Variants in IGFL2 observed in about 807,000 individuals in gnomAD.
The protein encoded by IGFL2 is IGF like family member 2, also known as insulin growth factor-like family member 2.
Under a neutral mutation model 13.9 loss-of-function variants are expected in IGFL2, and 7 were observed. That is an observed-to-expected ratio of 0.51 (90% CI 0.29 to 0.95). The LOEUF (loss-of-function observed/expected upper bound fraction) is 0.95, where lower values mean the gene tolerates loss of function less well. IGFL2 is among the 40% of genes least tolerant of loss of function. IGFL2 has a pLI of 0.08. For missense variants in IGFL2, 138 were observed against 147.8 expected, an observed-to-expected ratio of 0.93 and a Z score of 0.34; for synonymous variants, 55 against 55.8, an observed-to-expected ratio of 0.99 and a Z score of 0.07.
intron 1 of IGFL2, chr19:46,148,716 TG>T: frequency 1.6e-6 from 1 of 640,966 alleles, no homozygotes; most frequent in Non-Finnish European, 2.6e-6. Flanking sequence ...TAGGTGAGAA[TG>T]GGTGTGGTGA....
the IGFL2 span, among the ~76,000 whole-genome samples, chr19:46,199,855 C>CT: frequency 2.6e-5 from 4 of 152,176 alleles, no homozygotes; most frequent in Non-Finnish European, 5.9e-5. Flanking sequence ...CAGGCCATGC[C>CT]TGCACCCTTC....
At position 46,154,685 on chromosome 19, in the gene IGFL2, G is replaced by A. The variant is rs556507101; in HGVS notation, c.20-5730G>A. Among the ~76,000 whole-genome samples, 140 of 152,056 alleles carry A rather than the reference G, an allele frequency of 9.2e-4. 2 individuals are homozygous for A. The Middle Eastern group carries it at 0.017, about 18-fold the overall frequency. On this transcript the variant is annotated intron_variant, in intron 1 of 3. Transcript: ENST00000377693. ...AGGATGGTCTGGATCTCCTGACCTC[G>A]TCATCTGCCCGCCTCAGCCTCCCAA... is the stretch of plus-strand genomic sequence containing the variant.
the IGFL2 span, among the ~76,000 whole-genome samples, chr19:46,172,287 C>A: frequency 6.6e-6 from 1 of 152,160 alleles, no homozygotes; most frequent in Non-Finnish European, 1.5e-5. Flanking sequence ...CTATACCACT[C>A]ACACAAGGCA....
upstream of IGFL2, among the ~76,000 whole-genome samples, chr19:46,141,932 CT>C: frequency 6.6e-6 from 1 of 152,140 alleles, no homozygotes; most frequent in Non-Finnish European, 1.5e-5. Context: ...CCTTCTCCTC[CT>C]TTTACCTCAC....
chr19:46,130,055 G>A, the IGFL2 span, among the ~76,000 whole-genome samples: 1 of 149,942 alleles, frequency 6.7e-6, no homozygotes, highest in Non-Finnish European at 1.5e-5. Flanking sequence ...TGTGTTGGGT[G>A]CATATGTATT....
At chr19:46,204,153 G>A in the IGFL2 span, 1 of 152,226 alleles carries the variant, frequency 6.6e-6, no homozygotes, top group Admixed American at 6.5e-5. Context: ...TTGTTCCAGA[G>A]GGGAAGCCCA....
chr19:46,205,644 G>A, the IGFL2 span, among the ~76,000 whole-genome samples: 1 of 151,836 alleles, frequency 6.6e-6, no homozygotes, highest in Admixed American at 6.6e-5. Context: ...TCTCTCTTTT[G>A]CCTATTAAAC....
At chr19:46,186,527 G>C in the IGFL2 span, among the ~76,000 whole-genome samples, 1 of 151,758 alleles carries the variant, frequency 6.6e-6, no homozygotes, top group Non-Finnish European at 1.5e-5. Context: ...GGTCCCACAT[G>C]GAGGCTGCTT....
At chr19:46,112,753 G>A in the IGFL2 span, among the ~76,000 whole-genome samples, 1 of 152,228 alleles carries the variant, frequency 6.6e-6, no homozygotes, top group Non-Finnish European at 1.5e-5. Context: ...GTGGCTGAAA[G>A]TGATTTGGAA....
the IGFL2 span, among the ~76,000 whole-genome samples, chr19:46,116,532 T>C: frequency 6.6e-6 from 1 of 152,248 alleles, no homozygotes; most frequent in African/African-American, 2.4e-5. Context: ...ATTAGTATTA[T>C]TCTAATTAGA....
downstream of IGFL2, among the ~76,000 whole-genome samples, chr19:46,161,550 G>A (rs1974174278): frequency 6.6e-6 from 1 of 152,098 alleles, no homozygotes; most frequent in Non-Finnish European, 1.5e-5. Context: ...AGGTCTTCTT[G>A]TTGAATTGAA....
chr19:46,215,179 T>C, the IGFL2 span, among the ~76,000 whole-genome samples: 2 of 152,210 alleles, frequency 1.3e-5, no homozygotes. Context: ...TCGGTTAAAG[T>C]ATAAATGTAT....
At chr19:46,176,615 A>G in the IGFL2 span, among the ~76,000 whole-genome samples, 47 of 152,166 alleles carry the variant, frequency 3.1e-4, no homozygotes, top group Non-Finnish European at 1.8e-4. Flanking sequence ...TGAACCTGGA[A>G]TAACCTCAAC....
chr19:46,113,442 A>G, the IGFL2 span: 101 of 394,894 alleles, frequency 2.6e-4, 1 homozygote, highest in Non-Finnish European at 4.9e-4. Context: ...AATGGAATCC[A>G]CGTAGATATC....
At chr19:46,121,896 A>T in the IGFL2 span, among the ~76,000 whole-genome samples, 1 of 150,898 alleles carries the variant, frequency 6.6e-6, no homozygotes. Context: ...CAGTGAGCTG[A>T]TTTGCATATT....
At chr19:46,160,979 C>T in intron 3 of IGFL2, 91 bp from the exon 4 acceptor site, 5 of 1,535,916 alleles carry the variant, frequency 3.3e-6, no homozygotes, top group South Asian at 2.3e-5. Flanking sequence ...AGAGCCCTGG[C>T]CCTGTAGTCT....
At chr19:46,163,310 C>T (rs1368246515), downstream of IGFL2, among the ~76,000 whole-genome samples, 2 of 152,152 alleles carry the variant, frequency 1.3e-5, no homozygotes, top group Non-Finnish European at 2.9e-5. Context: ...AAGTTGGAAG[C>T]AGCAGAGGAA....
At chr19:46,117,849 C>T in the IGFL2 span, among the ~76,000 whole-genome samples, 3 of 152,116 alleles carry the variant, frequency 2.0e-5, no homozygotes, top group Non-Finnish European at 2.9e-5. Context: ...AGCACTTCTT[C>T]CTGCAGGAAC....
the IGFL2 span, among the ~76,000 whole-genome samples, chr19:46,082,226 C>T: frequency 1.3e-5 from 2 of 152,174 alleles, no homozygotes; most frequent in African/African-American, 4.8e-5. Context: ...TACCTGGGTC[C>T]ATGAAGATGT....
Sources: allele counts gnomAD v4.1 joint callset (sites outside exome capture counted in the v4.1 genomes callset), GRCh38; gene constraint gnomAD v4.1.1; transcripts MANE v1.5; gene names NCBI Gene and HGNC (gene_info 2026-07-23, HGNC 2026-07-21).